Variants in HS3ST5 observed in about 807,000 individuals in gnomAD.
The protein encoded by HS3ST5 is heparan sulfate glucosamine 3-O-sulfotransferase 5.
Under a neutral mutation model 25.4 loss-of-function variants are expected in HS3ST5, and 10 were observed. That is an observed-to-expected ratio of 0.39 (90% confidence interval 0.24 to 0.67). The LOEUF is 0.67. Ranked by LOEUF, HS3ST5 falls within the 30% of genes least tolerant of loss-of-function variation. The probability of loss-of-function intolerance (pLI) is 0.44; values close to 1 mark genes in which losing one functional copy is unlikely to be tolerated. For synonymous variants in HS3ST5, 170 were observed against 162.4 expected (o/e 1.05, Z -0.36); for missense variants, 324 against 420.7 (o/e 0.77, Z 2.01).
At chr6:114,206,922 G>A (rs1240690507) in intron 2 of HS3ST5, among the ~76,000 whole-genome samples, 1 of 152,144 alleles carries the variant, frequency 6.6e-6, no homozygotes, top group Non-Finnish European at 1.5e-5. Flanking sequence ...GGGACATTGT[G>A]GAGTACATTA....
intron 1 of HS3ST5, among the ~76,000 whole-genome samples, chr6:114,272,917 T>C (rs976327560): frequency 6.6e-5 from 10 of 151,928 alleles, no homozygotes; most frequent in Non-Finnish European, 1.2e-4. Context: ...AGAAGATACA[T>C]TCAGAGACAT....
chr6:114,336,457 A>T (rs1051349968), intron 1 of HS3ST5, among the ~76,000 whole-genome samples: 1 of 152,174 alleles, frequency 6.6e-6, no homozygotes, highest in Non-Finnish European at 1.5e-5. Flanking sequence ...AAAATACAAA[A>T]ATCAGGTGGG....
At chr6:114,103,651 A>G (rs191841758) in intron 3 of HS3ST5, among the ~76,000 whole-genome samples, 18 of 151,042 alleles carry the variant, frequency 1.2e-4, no homozygotes, top group Admixed American at 4.0e-4. Flanking sequence ...CCTGGCCTCA[A>G]GCCTAACTGT....
intron 1 of HS3ST5, among the ~76,000 whole-genome samples, chr6:114,270,245 A>C (rs1199948829): frequency 6.6e-6 from 1 of 152,206 alleles, no homozygotes; most frequent in African/African-American, 2.4e-5. Context: ...GGCAAGTTAT[A>C]ATGACAAAAT....
At chr6:114,111,533 G>C (rs1225999714) in intron 3 of HS3ST5, among the ~76,000 whole-genome samples, 1 of 152,076 alleles carries the variant, frequency 6.6e-6, no homozygotes, top group African/African-American at 2.4e-5. Flanking sequence ...CTGCCTCCCT[G>C]GGTGACAGAA....
At chr6:114,082,887 C>G (rs958632317) in intron 3 of HS3ST5, among the ~76,000 whole-genome samples, 2 of 152,178 alleles carry the variant, frequency 1.3e-5, no homozygotes, top group African/African-American at 4.8e-5. Context: ...TGTGGTCTAA[C>G]CCTAGCCAAC....
At chr6:114,227,148 A>G (rs1488715459) in intron 2 of HS3ST5, among the ~76,000 whole-genome samples, 3 of 151,596 alleles carry the variant, frequency 2.0e-5, no homozygotes, top group Non-Finnish European at 4.4e-5. Context: ...TTACTTGAAA[A>G]AAGTACTCTA....
intron 2 of HS3ST5, among the ~76,000 whole-genome samples, chr6:114,218,982 T>C (rs1490894163): frequency 2.0e-5 from 3 of 152,222 alleles, no homozygotes; most frequent in South Asian, 2.1e-4. Flanking sequence ...CCAAATTAGA[T>C]TGAAACTGGA....
At chr6:114,138,283 G>GA (rs1204241286) in intron 3 of HS3ST5, among the ~76,000 whole-genome samples, 12 of 152,204 alleles carry the variant, frequency 7.9e-5, no homozygotes, top group African/African-American at 2.2e-4. Context: ...CTGTTGACTT[G>GA]AAAAAATCAT....
At chr6:114,102,031 AG>A in intron 3 of HS3ST5, among the ~76,000 whole-genome samples, 1 of 152,306 alleles carries the variant, frequency 6.6e-6, no homozygotes, top group African/African-American at 2.4e-5. Flanking sequence ...TGAGAACAAG[AG>A]ACACTGGGGC....
intron 3 of HS3ST5, among the ~76,000 whole-genome samples, chr6:114,150,164 T>G (rs1381972494): frequency 6.6e-6 from 1 of 152,262 alleles, no homozygotes; most frequent in Non-Finnish European, 1.5e-5. Context: ...ATAAATGGTT[T>G]TAATTTAAGA....
chr6:114,197,486 C>T (rs1325450652), intron 2 of HS3ST5, among the ~76,000 whole-genome samples: 1 of 151,978 alleles, frequency 6.6e-6, no homozygotes, highest in Non-Finnish European at 1.5e-5. Flanking sequence ...ATTTTAATTT[C>T]CATTTTTATT....
chr6:114,057,100 A>C lies in HS3ST5; in HGVS notation c.*157T>G, dbSNP rs561560716. ...TTTTTTTCGTAAATTTTCAGTAGAA[A>C]AAGAACTGATCTTATATTTGGTCAC... On this transcript the variant is annotated 3_prime_UTR_variant, in exon 5 of 5. Transcript: ENST00000312719. The C allele has an allele frequency of 1.8e-6, 1 of 552,508 alleles. No individual in the cohort carries two copies. The highest frequency in any genetic ancestry group is 2.9e-5 in the East Asian group (1 of 34,732). 34.2% of individuals were successfully genotyped at this position (552,508 alleles called of 1,614,324 possible). A position where few individuals can be genotyped will look rare whatever the true frequency, so the allele number is the denominator to read the frequency against.
At chr6:114,262,045 TCATTAATTTGTGTAGTAAGA>T in intron 1 of HS3ST5, among the ~76,000 whole-genome samples, 1 of 152,328 alleles carries the variant, frequency 6.6e-6, no homozygotes, top group Admixed American at 6.5e-5. Context: ...GGTTCGTGCA[TCATTAATTTGTGTAGTAAGA>T]CAAAGCATTG....
chr6:114,277,526 A>G (rs1773914611), intron 1 of HS3ST5, among the ~76,000 whole-genome samples: 1 of 151,666 alleles, frequency 6.6e-6, no homozygotes. Context: ...TAACAGTCAT[A>G]AATTTTTTTG....
At chr6:114,165,122 T>C (rs1343824315) in intron 3 of HS3ST5, among the ~76,000 whole-genome samples, 1 of 152,190 alleles carries the variant, frequency 6.6e-6, no homozygotes. Flanking sequence ...ATGCTCCAGA[T>C]GAAGAGCTTG....
At chr6:114,118,512 C>G (rs976526930) in intron 3 of HS3ST5, among the ~76,000 whole-genome samples, 1 of 152,076 alleles carries the variant, frequency 6.6e-6, no homozygotes, top group Non-Finnish European at 1.5e-5. Flanking sequence ...GGGTTATTAC[C>G]ATTATTTACC....
chr6:114,084,537 C>G (rs1774674842), intron 3 of HS3ST5: 6 of 759,434 alleles, frequency 7.9e-6, no homozygotes, highest in Non-Finnish European at 1.4e-5. Context: ...TCCACCGCAT[C>G]ACACCCGCTG....
At chr6:114,330,055 G>C (rs1314462656) in intron 1 of HS3ST5, among the ~76,000 whole-genome samples, 1 of 152,148 alleles carries the variant, frequency 6.6e-6, no homozygotes. Flanking sequence ...GGTGGGAGTG[G>C]TATAAATGTC....
Sources: allele counts gnomAD v4.1 joint callset (sites outside exome capture counted in the v4.1 genomes callset), GRCh38; gene constraint gnomAD v4.1.1; transcripts MANE v1.5; gene names NCBI Gene and HGNC (gene_info 2026-07-23, HGNC 2026-07-21).